The following ERBB4 variants were observed in gnomAD, a reference collection of about 807,000 sequenced individuals.
ERBB4 encodes erb-b2 receptor tyrosine kinase 4.
A neutral mutation model predicts 158.0 loss-of-function variants in ERBB4; 42 were observed. That is an observed-to-expected ratio of 0.27 (90% CI 0.21 to 0.34). The LOEUF (loss-of-function observed/expected upper bound fraction) is 0.34. Ranked by LOEUF, ERBB4 falls within the 10% of genes least tolerant of loss-of-function variation. The pLI is 1.00. For missense variants in ERBB4, 1,333 were observed against 1,624.1 expected (o/e 0.82, Z 3.08); for synonymous variants, 583 against 558.7 (o/e 1.04, Z -0.61).
intron 9 of ERBB4, among the ~76,000 whole-genome samples, chr2:211,708,242 T>C (rs527710083): frequency 4.6e-5 from 7 of 152,274 alleles, no homozygotes; most frequent in Non-Finnish European, 8.8e-5. Flanking sequence ...ATATGTTTCA[T>C]GCTGGCATGA....
intron 20 of ERBB4, among the ~76,000 whole-genome samples, chr2:211,515,818 C>T (rs192711435): frequency 1.4e-3 from 214 of 148,764 alleles, no homozygotes; most frequent in African/African-American, 5.1e-3. Flanking sequence ...AGAAGCCAGG[C>T]AGCTAAGTCA....
chr2:211,928,779 G>A (rs917056045), intron 3 of ERBB4, among the ~76,000 whole-genome samples: 16 of 152,108 alleles, frequency 1.1e-4, no homozygotes, highest in Middle Eastern at 6.8e-3. Context: ...GAAAGTTGAA[G>A]TGTTCTTGTC....
chr2:211,971,885 C>T (rs1051111592), intron 2 of ERBB4, among the ~76,000 whole-genome samples: 3 of 152,144 alleles, frequency 2.0e-5, no homozygotes, highest in Admixed American at 2.0e-4. Flanking sequence ...CTCTCTCACT[C>T]CTCCTATTTA....
chr2:212,480,686 G>C (rs1689649845), intron 1 of ERBB4, among the ~76,000 whole-genome samples: 1 of 152,176 alleles, frequency 6.6e-6, no homozygotes, highest in Admixed American at 6.5e-5. Context: ...CATATGTGCT[G>C]TTGGCAACAT....
At chr2:211,711,486 C>T (rs978926830) in intron 9 of ERBB4, among the ~76,000 whole-genome samples, 1 of 152,116 alleles carries the variant, frequency 6.6e-6, no homozygotes, top group Admixed American at 6.6e-5. Flanking sequence ...AGATAAATCA[C>T]GTTGCAATTT....
At position 211,861,109 on chromosome 2, in the gene ERBB4, ATT is replaced by A. The variant is rs1553648393; in HGVS notation, c.422-72952_422-72951del. On this transcript the variant is annotated intron_variant, in intron 3 of 27. Transcript: ENST00000342788. ...TAAAATATATAAATACATTATATAT[ATT>A]TATATATATATTTTATATATATATA... Among the ~76,000 whole-genome samples the A allele has an allele frequency of 3.7e-3, 135 of 36,654 alleles. 5 individuals carry two copies. Among genetic ancestry groups the A allele is most frequent in the Non-Finnish European group, 4.5e-3 (93 of 20,470 alleles). 24.0% of individuals were successfully genotyped at this position (36,654 alleles called of 152,430 possible).
chr2:211,814,679 C>T (rs2076838702), intron 3 of ERBB4, among the ~76,000 whole-genome samples: 1 of 152,066 alleles, frequency 6.6e-6, no homozygotes, highest in Admixed American at 6.5e-5. Flanking sequence ...TCCTTTGGTC[C>T]TTCTTGAAGA....
At chr2:212,007,156 A>G in intron 2 of ERBB4, among the ~76,000 whole-genome samples, 1 of 151,940 alleles carries the variant, frequency 6.6e-6, no homozygotes, top group East Asian at 1.9e-4. Context: ...AATCTTCAAA[A>G]CCTTCAATGA....
chr2:211,890,631 A>G (rs567552526), intron 3 of ERBB4, among the ~76,000 whole-genome samples: 1,401 of 137,140 alleles, frequency 0.01, 21 homozygotes, highest in African/African-American at 0.038. Flanking sequence ...AAGAGTCAAG[A>G]CCCATCAGTG....
chr2:211,993,617 T>C (rs2082130563), intron 2 of ERBB4, among the ~76,000 whole-genome samples: 1 of 151,476 alleles, frequency 6.6e-6, no homozygotes, highest in Non-Finnish European at 1.5e-5. Flanking sequence ...TTTTCTAATG[T>C]ACTAAAGAAA....
At chr2:211,484,723 A>G (rs1465619260) in intron 20 of ERBB4, among the ~76,000 whole-genome samples, 1 of 152,214 alleles carries the variant, frequency 6.6e-6, no homozygotes, top group Non-Finnish European at 1.5e-5. Context: ...AAGAGTGAAA[A>G]GAACTACAAC....
Position 212,124,806 on chromosome 2 carries a change from C to A in ERBB4, c.180G>T (p.Met60Ile), listed in dbSNP as rs1443958987. The A allele has an allele frequency of 6.2e-7, 1 of 1,613,974 alleles. No homozygotes were observed. The highest frequency in any genetic ancestry group is 8.5e-7 in the Non-Finnish European group (1 of 1,179,976). ...RKYYENCEVVMGNLEITSIEH... is the reference protein window; with the variant it reads ...RKYYENCEVVIGNLEITSIEH... ...CAATGCTGGTTATCTCCAGGTTGCC[C>A]ATGACAACCTCACAGTTTTCATAGT... The change falls in exon 2 of 28, where the codon ATG (methionine) becomes ATT (isoleucine). Residue 60 changes from methionine (M) to isoleucine (I), a missense_variant. Met to Ile is a conservative substitution (Grantham distance 10). Around this residue, in one of 5 missense-constraint regions of ERBB4, gnomAD observed 438 missense variants for 586.9 expected, o/e 0.75. Coordinates refer to ENST00000342788, the MANE Select transcript of ERBB4 (RefSeq NM_005235.3).
chr2:212,526,017 T>C (rs1692427238), intron 1 of ERBB4, among the ~76,000 whole-genome samples: 2 of 152,058 alleles, frequency 1.3e-5, no homozygotes, highest in South Asian at 4.1e-4. Flanking sequence ...ACAATTGAAA[T>C]ATTTTTGGTT....
intron 1 of ERBB4, among the ~76,000 whole-genome samples, chr2:212,496,365 T>C (rs963900513): frequency 6.6e-6 from 1 of 151,972 alleles, no homozygotes; most frequent in Non-Finnish European, 1.5e-5. Flanking sequence ...CACATACACA[T>C]ATATAATCAA....
chr2:211,503,879 C>G (rs1196353657), intron 20 of ERBB4, among the ~76,000 whole-genome samples: 1 of 152,092 alleles, frequency 6.6e-6, no homozygotes, highest in Non-Finnish European at 1.5e-5. Context: ...TTGCACATGC[C>G]TTAGAGAGCC....
At chr2:211,477,208 A>T (rs1346694401) in intron 20 of ERBB4, among the ~76,000 whole-genome samples, 2 of 152,042 alleles carry the variant, frequency 1.3e-5, no homozygotes, top group Non-Finnish European at 2.9e-5. Context: ...CTTGAACTGC[A>T]ACTCTTCCCT....
At chr2:212,058,588 C>T (rs1477358161) in intron 2 of ERBB4, among the ~76,000 whole-genome samples, 4 of 152,128 alleles carry the variant, frequency 2.6e-5, no homozygotes, top group Non-Finnish European at 4.4e-5. Context: ...AAAGCTTATC[C>T]ACCATGATCA....
At chr2:211,912,886 T>C (rs975687951) in intron 3 of ERBB4, among the ~76,000 whole-genome samples, 1 of 152,196 alleles carries the variant, frequency 6.6e-6, no homozygotes, top group Non-Finnish European at 1.5e-5. Context: ...ATGCTACCTG[T>C]GAGGGTTCAT....
chr2:212,030,657 C>T (rs1012214628), intron 2 of ERBB4, among the ~76,000 whole-genome samples: 1 of 151,968 alleles, frequency 6.6e-6, no homozygotes, highest in Non-Finnish European at 1.5e-5. Context: ...CCTGCTGGGA[C>T]CCTGGGGACC....
Sources: allele counts gnomAD v4.1 joint callset (sites outside exome capture counted in the v4.1 genomes callset), GRCh38; gene constraint gnomAD v4.1.1; regional missense constraint gnomAD v4.1.1; transcripts MANE v1.5; gene names NCBI Gene and HGNC (gene_info 2026-07-23, HGNC 2026-07-21).